Variants in ADAMTS19 observed in about 807,000 individuals in gnomAD.
The protein encoded by ADAMTS19 is A disintegrin and metalloproteinase with thrombospondin motifs 19.
A neutral mutation model predicts 153.3 loss-of-function variants in ADAMTS19; 93 were observed. The ratio of observed to expected loss-of-function variants is 0.61; its 90% CI spans 0.51 to 0.72. ADAMTS19 has a LOEUF of 0.72. ADAMTS19 is among the 30% of genes least tolerant of loss of function. The pLI is 0.00. For missense variants in ADAMTS19, 1,482 were observed against 1,552.1 expected (o/e 0.95, Z 0.76); for synonymous variants, 600 against 556.6 (o/e 1.08, Z -1.10).
chr5:129,461,864 T>C lies in ADAMTS19; in HGVS notation c.747+107T>C. The C allele has an allele frequency of 1.4e-6, 2 of 1,425,026 alleles. No individual in the cohort carries two copies. The highest frequency in any genetic ancestry group is 1.8e-6 in the Non-Finnish European group (2 of 1,095,204). 88.3% of individuals were successfully genotyped at this position (1,425,026 alleles called of 1,614,324 possible). On this transcript the variant is annotated intron_variant, in intron 2 of 22. Coordinates refer to ENST00000274487, the MANE Select transcript of ADAMTS19 (RefSeq NM_133638.6). This position sits in a 1 kb window ranked among gnomAD's most constrained non-coding sequence, Gnocchi z 4.6. ...CTTCTCCCCTTTCAGTGTGCTCCTT[T>C]TGAGCTTGGCCCTAGACTGCACCCC...
intron 6 of ADAMTS19, among the ~76,000 whole-genome samples, chr5:129,544,618 C>G (rs1292321716): frequency 6.6e-6 from 1 of 152,094 alleles, no homozygotes; most frequent in Non-Finnish European, 1.5e-5. Context: ...AAAAACAAAG[C>G]AAGTTCTGGC....
chr5:129,645,766 A>C (rs2127034265), intron 11 of ADAMTS19, among the ~76,000 whole-genome samples: 1 of 152,266 alleles, frequency 6.6e-6, no homozygotes, highest in African/African-American at 2.4e-5. Context: ...AATGTGACCA[A>C]TTGAAGTTTG....
At chr5:129,601,038 A>AT (rs990435364) in intron 8 of ADAMTS19, among the ~76,000 whole-genome samples, 3 of 151,556 alleles carry the variant, frequency 2.0e-5, no homozygotes, top group Admixed American at 6.6e-5. Flanking sequence ...ACCCGGCTAA[A>AT]TTTTTTTTGT....
At chr5:129,653,873 A>T (rs1753424159) in intron 13 of ADAMTS19, among the ~76,000 whole-genome samples, 2 of 152,182 alleles carry the variant, frequency 1.3e-5, no homozygotes. Flanking sequence ...GAAGTAAGAC[A>T]TCAATAAATA....
At chr5:129,521,226 G>C (rs532767252) in intron 3 of ADAMTS19, among the ~76,000 whole-genome samples, 3 of 152,042 alleles carry the variant, frequency 2.0e-5, no homozygotes, top group Non-Finnish European at 4.4e-5. Context: ...AATTTTATTT[G>C]ATAATCAAAA....
At chr5:129,485,965 A>G (rs568627308) in intron 2 of ADAMTS19, among the ~76,000 whole-genome samples, 2 of 152,070 alleles carry the variant, frequency 1.3e-5, no homozygotes, top group South Asian at 4.1e-4. Flanking sequence ...CAATTTTTGT[A>G]TTTTTAGTAG....
chr5:129,484,390 C>G (rs1394330480), intron 2 of ADAMTS19, among the ~76,000 whole-genome samples: 1 of 152,088 alleles, frequency 6.6e-6, no homozygotes, highest in Non-Finnish European at 1.5e-5. Flanking sequence ...GATGTAACAA[C>G]GATTCCAAAT....
chr5:129,465,587 G>T (rs772384792), intron 2 of ADAMTS19, among the ~76,000 whole-genome samples: 1 of 152,000 alleles, frequency 6.6e-6, no homozygotes, highest in African/African-American at 2.4e-5. Flanking sequence ...TTAAAGTATT[G>T]TATTCTGTGG....
At chr5:129,639,772 T>A (rs1474752391) in intron 10 of ADAMTS19, among the ~76,000 whole-genome samples, 2 of 152,192 alleles carry the variant, frequency 1.3e-5, no homozygotes, top group Non-Finnish European at 2.9e-5. Flanking sequence ...AAAATTCTTC[T>A]TTGAATTTTC....
At chr5:129,646,480 C>T (rs533176139) in intron 11 of ADAMTS19, among the ~76,000 whole-genome samples, 18 of 152,046 alleles carry the variant, frequency 1.2e-4, no homozygotes, top group Non-Finnish European at 2.6e-4. Flanking sequence ...AACATATTAT[C>T]AAGTAAATTC....
intron 7 of ADAMTS19, among the ~76,000 whole-genome samples, chr5:129,561,164 G>A (rs1364459154): frequency 6.6e-6 from 1 of 152,116 alleles, no homozygotes; most frequent in African/African-American, 2.4e-5. Flanking sequence ...ATAGTGAGAA[G>A]CCATGGCTTT....
chr5:129,702,961 T>A lies in ADAMTS19; in HGVS notation c.3160-1278T>A, dbSNP rs905138184. ...AAAAAAATATATATATATATATATA[T>A]ATATATATATACAAATACATATATA... On this transcript the variant is annotated intron_variant, in intron 20 of 22. Coordinates refer to ENST00000274487, the MANE Select transcript of ADAMTS19 (RefSeq NM_133638.6). Among the ~76,000 whole-genome samples, 7 of 131,474 alleles carry A rather than the reference T, an allele frequency of 5.3e-5. 1 individual carries two copies. The East Asian group carries it at 6.6e-4, about 12-fold the overall frequency. The allele number at this position is 131,474 out of a possible 152,430, so 86.3% of individuals were successfully genotyped here.
At chr5:129,468,900 C>T (rs1012260313) in intron 2 of ADAMTS19, among the ~76,000 whole-genome samples, 3 of 151,942 alleles carry the variant, frequency 2.0e-5, no homozygotes, top group African/African-American at 4.8e-5. Context: ...CCTCAGCCTC[C>T]GAAGTAGCTG....
chr5:129,632,447 T>C (rs1361030352), intron 10 of ADAMTS19, among the ~76,000 whole-genome samples: 1 of 152,024 alleles, frequency 6.6e-6, no homozygotes, highest in African/African-American at 2.4e-5. Flanking sequence ...GCATGTATTT[T>C]AAGGATTAAG....
chr5:129,472,988 C>T (rs1057288695), intron 2 of ADAMTS19, among the ~76,000 whole-genome samples: 1 of 151,682 alleles, frequency 6.6e-6, no homozygotes, highest in Non-Finnish European at 1.5e-5. Context: ...AAATTGTAAA[C>T]TCTTTGTGAG....
At chr5:129,670,641 G>C (rs532401389) in intron 16 of ADAMTS19, among the ~76,000 whole-genome samples, 4 of 152,184 alleles carry the variant, frequency 2.6e-5, no homozygotes, top group African/African-American at 9.6e-5. Flanking sequence ...CAACACTTGT[G>C]ATTTTAAAAA....
At chr5:129,611,255 G>A (rs184242265) in intron 8 of ADAMTS19, among the ~76,000 whole-genome samples, 57 of 152,118 alleles carry the variant, frequency 3.7e-4, no homozygotes, top group Non-Finnish European at 6.5e-4. Flanking sequence ...CCACTCTGAT[G>A]GTAGTTTCTT....
chr5:129,581,160 T>C (rs1386879002), intron 7 of ADAMTS19, among the ~76,000 whole-genome samples: 4 of 152,246 alleles, frequency 2.6e-5, no homozygotes, highest in African/African-American at 9.6e-5. Context: ...GGTTTAGTCT[T>C]GGGAGGGTGT....
At chr5:129,606,711 C>A (rs1051114936) in intron 8 of ADAMTS19, among the ~76,000 whole-genome samples, 1 of 152,134 alleles carries the variant, frequency 6.6e-6, no homozygotes, top group Admixed American at 6.6e-5. Context: ...TTACAATGGA[C>A]TTCTCTATTT....
Sources: allele counts gnomAD v4.1 joint callset (sites outside exome capture counted in the v4.1 genomes callset), GRCh38; gene constraint gnomAD v4.1.1; non-coding constraint Gnocchi (gnomAD v3.1); transcripts MANE v1.5; gene names NCBI Gene and HGNC (gene_info 2026-07-23, HGNC 2026-07-21).